The following SLC2A9 variants were observed in gnomAD, a reference collection of about 807,000 sequenced individuals.
The protein encoded by SLC2A9 is solute carrier family 2 member 9.
In SLC2A9, 39 loss-of-function variants were observed where a neutral mutation model predicts 50.6. The ratio of observed to expected loss-of-function variants is 0.77; its 90% CI spans 0.60 to 1.01. SLC2A9 has a LOEUF of 1.01. Ranked by LOEUF, SLC2A9 falls within the 50% of genes least tolerant of loss-of-function variation. The pLI, the probability that SLC2A9 is intolerant of heterozygous loss-of-function variation, is 0.00. For missense variants in SLC2A9, 686 were observed against 677.6 expected, an observed-to-expected ratio of 1.01 and a Z score of -0.14; for synonymous variants, 324 against 276.9, an observed-to-expected ratio of 1.17 and a Z score of -1.69.
intron 6 of SLC2A9, chr4:9,923,694 A>T (rs983887208): frequency 6.6e-6 from 1 of 152,270 alleles, no homozygotes; most frequent in African/African-American, 2.4e-5. Flanking sequence ...GACAGAACGG[A>T]CAGTGTATGA....
intron 5 of SLC2A9, among the ~76,000 whole-genome samples, chr4:9,946,132 C>T (rs886721506): frequency 2.6e-5 from 4 of 152,200 alleles, no homozygotes; most frequent in African/African-American, 9.6e-5. Flanking sequence ...AGAACACAGG[C>T]AGAGTCTTTG....
intron 2 of SLC2A9, among the ~76,000 whole-genome samples, chr4:10,010,025 A>G (rs1310680286): frequency 6.6e-6 from 1 of 152,218 alleles, no homozygotes; most frequent in African/African-American, 2.4e-5. Context: ...GTGTATGTTA[A>G]CAAGATAACT....
intron 6 of SLC2A9, chr4:9,924,147 T>C (rs1466442569): frequency 1.3e-5 from 2 of 152,148 alleles, no homozygotes; most frequent in Non-Finnish European, 2.9e-5. Context: ...GATTGTCCCA[T>C]CCTCTGGTCC....
chr4:9,875,104 T>C (rs1220278974), intron 10 of SLC2A9, among the ~76,000 whole-genome samples: 198 of 132,858 alleles, frequency 1.5e-3, no homozygotes, highest in Non-Finnish European at 2.6e-3. Context: ...CTGTCTAAGA[T>C]GGGATGCTGT....
At chr4:9,980,821 G>A (rs1225578167) in intron 4 of SLC2A9, 84 bp from the exon 5 acceptor site, 9 of 1,579,164 alleles carry the variant, frequency 5.7e-6, no homozygotes, top group African/African-American at 1.3e-5. Context: ...TCTTGGCTCT[G>A]CTTTGCCCTG....
intron 3 of SLC2A9, among the ~76,000 whole-genome samples, chr4:9,812,316 T>C (rs777120191): frequency 6.6e-6 from 1 of 152,226 alleles, no homozygotes. Context: ...TAGCCGGAAA[T>C]GACATATCCA....
chr4:9,993,140 T>C (rs1758003670), intron 3 of SLC2A9, among the ~76,000 whole-genome samples: 1 of 152,218 alleles, frequency 6.6e-6, no homozygotes, highest in Admixed American at 6.5e-5. Context: ...AAATGTTTGT[T>C]TGGATAGATG....
rs1394201640 is a variant in SLC2A9 at position 9,849,882 on chromosome 4, C to T, written c.1292-14874G>A. On this transcript the variant is annotated intron_variant, in intron 10 of 11. Coordinates refer to ENST00000264784, the MANE Select transcript of SLC2A9 (RefSeq NM_020041.3). ...AGTCTTGCTGGTAGGTTCTCATGGG[C>T]GCATTTTAACATTCTTCCTTTTTGG... 5.3e-5 allele frequency among the ~76,000 whole-genome samples: 8 copies of T among 151,798 alleles called. No homozygotes were observed. In the East Asian group the frequency reaches 9.7e-4, roughly 18 times the overall value.
chr4:9,941,813 C>A (rs1560350001), intron 6 of SLC2A9, 100 bp downstream of exon 6: 1 of 1,540,176 alleles, frequency 6.5e-7, no homozygotes, highest in African/African-American at 1.4e-5. Context: ...GGAACAATGA[C>A]AACACCCCTT....
At chr4:9,929,856 C>T (rs757400584) in intron 6 of SLC2A9, among the ~76,000 whole-genome samples, 19 of 152,132 alleles carry the variant, frequency 1.2e-4, no homozygotes, top group Non-Finnish European at 5.9e-5. Context: ...GCCAGAAGTT[C>T]GAGACCAGGG....
At chr4:9,772,632 T>C (rs548083354) in intron 1 of SLC2A9, among the ~76,000 whole-genome samples, 1 of 152,312 alleles carries the variant, frequency 6.6e-6, no homozygotes, top group South Asian at 2.1e-4. Flanking sequence ...GCTTCCCAGC[T>C]GACTGCAAAT....
chr4:9,995,655 G>T (rs1578241823), intron 3 of SLC2A9: 1 of 152,236 alleles, frequency 6.6e-6, no homozygotes, highest in East Asian at 1.9e-4. Context: ...GATGATGAGG[G>T]AAATGCCAAA....
chr4:9,951,646 T>C (rs777793015), intron 5 of SLC2A9, among the ~76,000 whole-genome samples: 11 of 152,002 alleles, frequency 7.2e-5, no homozygotes, highest in Non-Finnish European at 1.3e-4. Context: ...ACAGTAATCA[T>C]CTTTAGGAAT....
At chr4:9,987,949 A>G (rs1357854821) in intron 3 of SLC2A9, among the ~76,000 whole-genome samples, 1 of 152,282 alleles carries the variant, frequency 6.6e-6, no homozygotes, top group African/African-American at 2.4e-5. Flanking sequence ...AGAAGAACTC[A>G]GAGAGTCTTC....
intron 2 of SLC2A9, among the ~76,000 whole-genome samples, chr4:10,011,860 GATTA>G (rs1257594645): frequency 4.6e-5 from 7 of 152,208 alleles, no homozygotes; most frequent in Admixed American, 1.3e-4. Flanking sequence ...ATAGGCTGTG[GATTA>G]ATTATTCAGC....
chr4:9,910,505 T>C (rs1741527874), intron 7 of SLC2A9, among the ~76,000 whole-genome samples: 1 of 152,252 alleles, frequency 6.6e-6, no homozygotes, highest in Non-Finnish European at 1.5e-5. Context: ...TGATTTTCAA[T>C]GGCCAACGTT....
At chr4:9,873,223 GTGTT>G (rs374464709) in intron 10 of SLC2A9, among the ~76,000 whole-genome samples, 138 of 152,318 alleles carry the variant, frequency 9.1e-4, no homozygotes, top group African/African-American at 3.0e-3. Flanking sequence ...GTGAGTGTGT[GTGTT>G]TGTGTGTTTG....
downstream of SLC2A9, chr4:9,771,029 CCCCCAGCGTTAGCATCAG>C (rs1324448938): frequency 6.5e-6 from 1 of 153,254 alleles, no homozygotes; most frequent in African/African-American, 2.4e-5. Context: ...GTACTTCCCT[CCCCCAGCGTTAGCATCAG>C]CCACTTCTCC....
At chr4:9,867,538 A>G (rs890509940) in intron 10 of SLC2A9, among the ~76,000 whole-genome samples, 1 of 152,216 alleles carries the variant, frequency 6.6e-6, no homozygotes, top group Non-Finnish European at 1.5e-5. Context: ...TTATTTTGAC[A>G]TTAGGAATGG....
Sources: allele counts gnomAD v4.1 joint callset (sites outside exome capture counted in the v4.1 genomes callset), GRCh38; gene constraint gnomAD v4.1.1; transcripts MANE v1.5; gene names NCBI Gene and HGNC (gene_info 2026-07-23, HGNC 2026-07-21).